Variants in CCDC85C observed in about 807,000 individuals in gnomAD.
The protein encoded by CCDC85C is coiled-coil domain-containing protein 85C.
A neutral mutation model predicts 38.3 loss-of-function variants in CCDC85C; 18 were observed. That is an observed-to-expected ratio of 0.47 (90% CI 0.33 to 0.70). CCDC85C has a LOEUF of 0.70. Ranked by LOEUF, CCDC85C falls within the 30% of genes least tolerant of loss-of-function variation. The pLI is 0.03. For synonymous variants in CCDC85C, 264 were observed against 293.8 expected (o/e 0.90, Z 1.04); for missense variants, 566 against 621.2 (o/e 0.91, Z 0.94).
chr14:99,516,469 C>A lies in CCDC85C; in HGVS notation c.1072-183G>T, dbSNP rs1897227113. On this transcript the variant is annotated intron_variant, in intron 4 of 5. Coordinates refer to ENST00000380243, the MANE Select transcript of CCDC85C (RefSeq NM_001144995.2). This position sits in a 1 kb window ranked among gnomAD's most constrained non-coding sequence, Gnocchi z 5.5. ...AGGTTGTCATCTCACCCTGCTGACA[C>A]TGGATGCCCTACAAGGGAAGCAGCT... is the stretch of plus-strand genomic sequence containing the variant. Among the ~76,000 whole-genome samples the A allele has an allele frequency of 1.3e-5, 2 of 152,178 alleles. No homozygotes were observed. Among genetic ancestry groups the A allele is most frequent in the African/African-American group, 4.8e-5 (2 of 41,434 alleles).
Position 99,500,700 on chromosome 14 carries a change from C to A in CCDC85C, c.*14546G>T. The A allele has an allele frequency of 5.7e-6, 6 of 1,060,934 alleles. No individual in the cohort carries two copies. Among genetic ancestry groups the A allele is most frequent in the Non-Finnish European group, 8.5e-6 (6 of 702,874 alleles). 65.7% of individuals were successfully genotyped at this position (1,060,934 alleles called of 1,614,324 possible). On this transcript the variant is annotated 3_prime_UTR_variant, in exon 6 of 6. Transcript: ENST00000380243. The stretch of plus-strand genomic sequence containing the variant: ...GAGAATAAATAGACAGGAAAGCTCA[C>A]TTTTGTAATGCTGCTTGAGACCTGC...
chr14:99,519,664 A>G (rs940012761), intron 3 of CCDC85C, among the ~76,000 whole-genome samples: 3 of 152,240 alleles, frequency 2.0e-5, no homozygotes, highest in Admixed American at 2.0e-4. Flanking sequence ...CCAAATGTAC[A>G]GCAACAAATG....
At chr14:99,567,950 C>T (rs537763354) in intron 1 of CCDC85C, among the ~76,000 whole-genome samples, 28 of 152,342 alleles carry the variant, frequency 1.8e-4, no homozygotes, top group African/African-American at 6.5e-4. Flanking sequence ...GCACTCTTTT[C>T]GACAGCTGCG....
chr14:99,526,654 C>A (rs1897390947), intron 2 of CCDC85C, among the ~76,000 whole-genome samples: 1 of 152,138 alleles, frequency 6.6e-6, no homozygotes, highest in South Asian at 2.1e-4. Flanking sequence ...GACCTGGCGA[C>A]CTCCCTCCAG....
intron 1 of CCDC85C, among the ~76,000 whole-genome samples, chr14:99,568,319 C>G (rs944792052): frequency 6.2e-4 from 89 of 142,978 alleles, no homozygotes; most frequent in African/African-American, 2.3e-3. Flanking sequence ...ATGGCACGAT[C>G]TCGGCTCACT....
rs776784723 is a variant in CCDC85C at position 99,568,246 on chromosome 14, C to CTTTTTTTTTTTTTTTT, written c.794-32159_794-32158insAAAAAAAAAAAAAAAA. On this transcript the variant is annotated intron_variant, in intron 1 of 5. Transcript: ENST00000380243. Reference sequence around the variant, plus strand: ...AGACACTCTCTGGAGGCCACCTGCCCTTTATTTTTTTTTTTTTTTTTTTTG... The same window carrying CTTTTTTTTTTTTTTTT: ...AGACACTCTCTGGAGGCCACCTGCCCTTTTTTTTTTTTTTTTTTTATTTTTTTTTTTTTTTTTTTTG... 5.2e-5 allele frequency among the ~76,000 whole-genome samples: 6 copies of CTTTTTTTTTTTTTTTT among 114,486 alleles called. 1 individual carries two copies. Among genetic ancestry groups the CTTTTTTTTTTTTTTTT allele is most frequent in the Admixed American group, 1.0e-4 (1 of 10,018 alleles). 75.1% of individuals were successfully genotyped at this position (114,486 alleles called of 152,430 possible). A position where few individuals can be genotyped will look rare whatever the true frequency, so the allele number is the denominator to read the frequency against.
rs548371153 is a variant in CCDC85C, at chr14:99,603,114, G to A, written c.793+53C>T. 1,248 of 1,283,070 alleles carry A rather than the reference G, an allele frequency of 9.7e-4. 8 individuals are homozygous for A. The African/African-American group carries it at 0.017, about 18-fold the overall frequency. 79.5% of individuals were successfully genotyped at this position (1,283,070 alleles called of 1,614,324 possible). A position where few individuals can be genotyped will look rare whatever the true frequency, so the allele number is the denominator to read the frequency against. On this transcript the variant is annotated intron_variant, in intron 1 of 5. Coordinates refer to ENST00000380243, the MANE Select transcript of CCDC85C (RefSeq NM_001144995.2). This position sits in a 1 kb window ranked among gnomAD's most constrained non-coding sequence, Gnocchi z 7.5. ...ACCACCTCCTCTCGCCGCAGCCTGG[G>A]AAAAGGGCTGCAGCCAGGGAGACCC...
chr14:99,511,104 G>A lies in CCDC85C; in HGVS notation c.*4142C>T, dbSNP rs867332738. ...CCATATTGGCTCAATAAATAGCTTC[G>A]GTAAGGAGTTAATTTCCTTCTAGAA... On this transcript the variant is annotated 3_prime_UTR_variant, in exon 6 of 6. Coordinates refer to ENST00000380243, the MANE Select transcript of CCDC85C (RefSeq NM_001144995.2). 7 of 206,488 alleles carry A rather than the reference G, an allele frequency of 3.4e-5. No homozygotes were observed. The highest frequency in any genetic ancestry group is 1.6e-3 in the Middle Eastern group (1 of 642). The allele number at this position is 206,488 out of a possible 1,614,324, so 12.8% of individuals were successfully genotyped here. A position where few individuals can be genotyped will look rare whatever the true frequency, so the allele number is the denominator to read the frequency against.
intron 1 of CCDC85C, among the ~76,000 whole-genome samples, chr14:99,575,958 G>A (rs1898466979): frequency 6.6e-6 from 1 of 152,178 alleles, no homozygotes. Context: ...ACACACGTGG[G>A]CTGAGATGAC....
intron 1 of CCDC85C, among the ~76,000 whole-genome samples, chr14:99,584,360 C>A (rs891309665): frequency 6.6e-6 from 1 of 152,112 alleles, no homozygotes; most frequent in African/African-American, 2.4e-5. Flanking sequence ...GGGAGTGGAG[C>A]CAGTGGTCCA....
At chr14:99,566,638 G>A (rs917930883) in intron 1 of CCDC85C, among the ~76,000 whole-genome samples, 13 of 152,166 alleles carry the variant, frequency 8.5e-5, no homozygotes, top group Non-Finnish European at 1.8e-4. Context: ...ACAGCCTCAT[G>A]GAATCAGTGT....
In CCDC85C at chr14:99,503,458, G is replaced by A; in HGVS notation, c.*11788C>T. On this transcript the variant is annotated 3_prime_UTR_variant, in exon 6 of 6. Coordinates refer to ENST00000380243, the MANE Select transcript of CCDC85C (RefSeq NM_001144995.2). ...GAAATGATGATCTGGTAGGTGCCGT[G>A]GTTTGCCCTGAAAGTTCAGGCTAGA... 1.6e-6 allele frequency: 1 copy of A among 637,100 alleles called. No individual in the cohort carries two copies. Among genetic ancestry groups the A allele is most frequent in the South Asian group, 1.9e-5 (1 of 51,598 alleles). The allele number at this position is 637,100 out of a possible 1,614,324, so 39.5% of individuals were successfully genotyped here. A position where few individuals can be genotyped will look rare whatever the true frequency, so the allele number is the denominator to read the frequency against.
At chr14:99,555,978 C>G (rs573596822) in intron 1 of CCDC85C, among the ~76,000 whole-genome samples, 2 of 152,360 alleles carry the variant, frequency 1.3e-5, no homozygotes, top group African/African-American at 4.8e-5. Flanking sequence ...AAACATCAGA[C>G]AGCCCGATCG....
rs1287163994 is a variant in CCDC85C at position 99,509,574 on chromosome 14, C to T, written c.*5672G>A. The stretch of plus-strand genomic sequence containing the variant: ...GCACACGCACACACATGCACACACT[C>T]CTCTCAAGGAGGCTGCTATCTGAGA... On this transcript the variant is annotated 3_prime_UTR_variant, in exon 6 of 6. Coordinates refer to ENST00000380243, the MANE Select transcript of CCDC85C (RefSeq NM_001144995.2). 1.2e-5 allele frequency: 2 copies of T among 160,090 alleles called. No homozygotes were observed. The highest frequency in any genetic ancestry group is 1.9e-4 in the East Asian group (1 of 5,236). 9.9% of individuals were successfully genotyped at this position (160,090 alleles called of 1,614,324 possible).
intron 2 of CCDC85C, among the ~76,000 whole-genome samples, chr14:99,529,889 C>T (rs970347287): frequency 1.3e-5 from 2 of 152,236 alleles, no homozygotes; most frequent in African/African-American, 2.4e-5. Context: ...TACCGCCAAC[C>T]GCCCGACTCC....
At chr14:99,573,332 G>C (rs1221059292) in intron 1 of CCDC85C, among the ~76,000 whole-genome samples, 2 of 152,224 alleles carry the variant, frequency 1.3e-5, no homozygotes, top group Non-Finnish European at 2.9e-5. Context: ...GTGCTCATCA[G>C]TTTCAGAAGC....
intron 1 of CCDC85C, among the ~76,000 whole-genome samples, chr14:99,577,064 T>C (rs78757773): frequency 0.078 from 11,915 of 151,858 alleles, 740 homozygotes; most frequent in African/African-American, 0.17. Context: ...CAGACATTGT[T>C]GCGGAACGGG....
At position 99,504,998 on chromosome 14, in the gene CCDC85C, G is replaced by A. The variant is rs1229167837; in HGVS notation, c.*10248C>T. 1.3e-5 allele frequency: 2 copies of A among 152,254 alleles called. No homozygotes were observed. The highest frequency in any genetic ancestry group is 2.9e-5 in the Non-Finnish European group (2 of 68,094). The allele number at this position is 152,254 out of a possible 1,614,324, so 9.4% of individuals were successfully genotyped here. A position where few individuals can be genotyped will look rare whatever the true frequency, so the allele number is the denominator to read the frequency against. On this transcript the variant is annotated 3_prime_UTR_variant, in exon 6 of 6. Coordinates refer to ENST00000380243, the MANE Select transcript of CCDC85C (RefSeq NM_001144995.2). Reference sequence around the variant, plus strand: ...AATTGAGAATCAGGGGAAATGGAGAGGAGTCTTTCTGGAATGTGATGAATT... The same window carrying A: ...AATTGAGAATCAGGGGAAATGGAGAAGAGTCTTTCTGGAATGTGATGAATT...
intron 1 of CCDC85C, among the ~76,000 whole-genome samples, chr14:99,598,236 A>G (rs2055163681): frequency 6.6e-6 from 1 of 152,256 alleles, no homozygotes; most frequent in African/African-American, 2.4e-5. Context: ...AAGAGAAAAC[A>G]GAGGCCCATG....
Sources: allele counts gnomAD v4.1 joint callset (sites outside exome capture counted in the v4.1 genomes callset), GRCh38; gene constraint gnomAD v4.1.1; non-coding constraint Gnocchi (gnomAD v3.1); transcripts MANE v1.5; gene names NCBI Gene and HGNC (gene_info 2026-07-23, HGNC 2026-07-21).